COPE: variants seen among roughly 807,000 people sequenced by gnomAD.
COPE encodes the protein coatomer subunit epsilon.
In COPE, 19 loss-of-function variants were observed where a neutral mutation model predicts 42.1. The observed-to-expected ratio is 0.45, with a 90% CI of 0.31 to 0.66. The LOEUF (loss-of-function observed/expected upper bound fraction) is 0.66, where lower values mean the gene tolerates loss of function less well. COPE is among the 30% of genes least tolerant of loss of function. COPE has a pLI of 0.05. For synonymous variants in COPE, 195 were observed against 181.3 expected (o/e 1.08, Z -0.60); for missense variants, 402 against 416.1 (o/e 0.97, Z 0.30).
At chr19:18,910,842 G>A in intron 3 of COPE, 129 bp downstream of exon 3, 1 of 746,066 alleles carries the variant, frequency 1.3e-6, no homozygotes, top group Non-Finnish European at 2.3e-6. Flanking sequence ...CAGGGGAGCA[G>A]AGGGGAGAGG....
rs2056687930 is a variant in COPE, at chr19:18,900,448, T to C, written c.737A>G (p.Asp246Gly). ...EGLLQEALDK[D>G]SGYPETLVNL... Reference sequence around the variant, plus strand: ...GACCAGCGTCTCTGGGTAGCCACTATCCTGGAGACACAGGCAGACACGGGG... The same window carrying C: ...GACCAGCGTCTCTGGGTAGCCACTACCCTGGAGACACAGGCAGACACGGGG... The change falls in exon 8 of 10, where the codon GAT becomes GGT. Residue 246 changes from aspartate (D) to glycine (G), a missense_variant and splice_region_variant. Asp to Gly is a moderately conservative substitution (Grantham distance 94). Transcript: ENST00000262812. The C allele has an allele frequency of 6.5e-7, 1 of 1,547,218 alleles. No individual in the cohort carries two copies. The highest frequency in any genetic ancestry group is 1.4e-5 in the African/African-American group (1 of 72,840).
At chr19:18,903,826 G>T (rs866062616) in intron 6 of COPE, among the ~76,000 whole-genome samples, 20 of 152,196 alleles carry the variant, frequency 1.3e-4, no homozygotes, top group African/African-American at 4.3e-4. Context: ...AACACTTGCA[G>T]GGGGAGCCTG....
intron 7 of COPE, 45 bp downstream of exon 7, chr19:18,903,223 C>G: frequency 1.3e-6 from 2 of 1,513,154 alleles, no homozygotes; most frequent in Non-Finnish European, 1.8e-6. Flanking sequence ...CCTCTGGCCG[C>G]CTGGCCTTCC....
chr19:18,910,457 C>T (rs2145072324), intron 3 of COPE: 1 of 157,072 alleles, frequency 6.4e-6, no homozygotes. Context: ...TGGTGGCACG[C>T]AGCTATAGTC....
Position 18,912,976 on chromosome 19 carries a change from G to T in COPE, c.189+8C>A. On this transcript the variant is annotated splice_region_variant and intron_variant, in intron 2 of 9. Coordinates refer to ENST00000262812, the MANE Select transcript of COPE (RefSeq NM_007263.4). ...TCACTCTTGCCCCCGGCCAAGGCCC[G>T]CACTCACCTGCGCCAGGTACGCTCT... 1.2e-6 allele frequency: 2 copies of T among 1,611,176 alleles called. No homozygotes were observed.
chr19:18,912,844 T>C (rs991385005), intron 2 of COPE, 140 bp downstream of exon 2: 3 of 751,492 alleles, frequency 4.0e-6, no homozygotes, highest in African/African-American at 3.4e-5. Flanking sequence ...GCGCTGGCTG[T>C]TCACAGTCAC....
Position 18,913,026 on chromosome 19 carries a change from G to A in COPE, c.147C>T (p.Asp49=), listed in dbSNP as rs755241399. The A allele has an allele frequency of 4.7e-5, 75 of 1,611,426 alleles. No individual in the cohort carries two copies. The highest frequency in any genetic ancestry group is 6.0e-5 in the Non-Finnish European group (71 of 1,179,812). Residue 49 remains aspartate, a synonymous_variant, in exon 2 of 10, where the codon GAC becomes GAT. Coordinates refer to ENST00000262812, the MANE Select transcript of COPE (RefSeq NM_007263.4). ...TATACAGGAAGACGTCCCTCTCCAC[G>A]TCTCTCTCTGGGCTTGATAGCTGTG... ...QRVKLSSPER[D]VERDVFLYRA...
chr19:18,900,080 C>G, intron 8 of COPE, 133 bp from the exon 9 acceptor site: 1 of 714,194 alleles, frequency 1.4e-6, no homozygotes, highest in Non-Finnish European at 2.3e-6. Context: ...TGGGACTGGG[C>G]TGATCTCGGA....
At chr19:18,910,764 C>T (rs1361494238) in intron 3 of COPE, 3 of 599,494 alleles carry the variant, frequency 5.0e-6, no homozygotes, top group Non-Finnish European at 9.0e-6. Context: ...TGACCCTCCC[C>T]TTTGAAGCAG....
In COPE at chr19:18,899,938, G is replaced by C. The variant is rs1430630918; in HGVS notation, c.814C>G (p.Arg272Gly). The change falls in exon 9 of 10, where the codon CGA (arginine) becomes GGA (glycine). Residue 272 changes from arginine to glycine, a missense_variant. Transcript: ENST00000262812. ...HLGKPPEVTN[R>G]YLSQLKDAHR... ...GCATCCTTCAGCTGGGACAGGTATC[G>C]GTTTGTCACCTGCAGGGGAGGCAGG... 1 of 1,613,124 alleles carries C rather than the reference G, an allele frequency of 6.2e-7. No individual in the cohort carries two copies. Among genetic ancestry groups the C allele is most frequent in the Admixed American group, 1.7e-5 (1 of 59,930 alleles).
At chr19:18,917,288 A>G (rs2056863166) in intron 1 of COPE, among the ~76,000 whole-genome samples, 1 of 141,218 alleles carries the variant, frequency 7.1e-6, no homozygotes, top group African/African-American at 2.7e-5. Context: ...TTGACATAGT[A>G]AGAGCACCAA....
In COPE at chr19:18,903,440, G is replaced by A. The variant is rs762526419; in HGVS notation, c.580-17C>T. 7.5e-6 allele frequency: 12 copies of A among 1,591,424 alleles called. No homozygotes were observed. Among genetic ancestry groups the A allele is most frequent in the Admixed American group, 5.2e-5 (3 of 57,940 alleles). Reference sequence around the variant, plus strand: ...CTCACCACCCTGCAGGGAGGGTCCCGCATCATTGCCTGTGCCCCTGCTGCC... The same window carrying A: ...CTCACCACCCTGCAGGGAGGGTCCCACATCATTGCCTGTGCCCCTGCTGCC... On this transcript the variant is annotated splice_polypyrimidine_tract_variant and intron_variant, in intron 6 of 9. Transcript: ENST00000262812.
At chr19:18,899,995 G>T in intron 8 of COPE, 48 bp from the exon 9 acceptor site, 1 of 1,556,858 alleles carries the variant, frequency 6.4e-7, no homozygotes. Flanking sequence ...GGGACCCCAC[G>T]GTGGCTCTGA....
chr19:18,913,296 T>C (rs1367736734), intron 1 of COPE, among the ~76,000 whole-genome samples: 1 of 152,226 alleles, frequency 6.6e-6, no homozygotes, highest in African/African-American at 2.4e-5. Context: ...AAGTTCAGTG[T>C]CTGCCCCAGT....
At chr19:18,899,978 G>C (rs371825289) in intron 8 of COPE, 31 bp from the exon 9 acceptor site, 1 of 1,596,244 alleles carries the variant, frequency 6.3e-7, no homozygotes, top group Non-Finnish European at 8.5e-7. Flanking sequence ...CAGGTGAGCC[G>C]AACACGGGGA....
intron 1 of COPE, among the ~76,000 whole-genome samples, chr19:18,917,954 G>T (rs1462638507): frequency 6.6e-6 from 1 of 151,816 alleles, no homozygotes; most frequent in East Asian, 1.9e-4. Context: ...ACTTTGGTAG[G>T]CCAAGGCGGG....
rs777612610 is a variant in COPE, at chr19:18,919,304, C to G, written c.45G>C (p.Glu15Asp). Residue 15 changes from glutamate to aspartate, a missense_variant, in exon 1 of 10, where the codon GAG becomes GAC. Transcript: ENST00000262812. ...TCTTTACGTCGAACAGCTCGTCTAC[C>G]TCCCCGGAGCCGCCGGAGGCCGGGC... ...APGPASGGSGEVDELFDVKNA... is the reference protein window; with the variant it reads ...APGPASGGSGDVDELFDVKNA... 1.2e-6 allele frequency: 2 copies of G among 1,613,810 alleles called. No homozygotes were observed. The highest frequency in any genetic ancestry group is 1.7e-6 in the Non-Finnish European group (2 of 1,180,000).
chr19:18,908,810 C>T (rs2056784282), intron 3 of COPE, among the ~76,000 whole-genome samples: 1 of 151,896 alleles, frequency 6.6e-6, no homozygotes, highest in African/African-American at 2.4e-5. Context: ...AGCCACTGCG[C>T]CCGGCCAGGC....
chr19:18,912,085 G>C (rs1195750837), intron 2 of COPE, among the ~76,000 whole-genome samples: 1 of 152,120 alleles, frequency 6.6e-6, no homozygotes, highest in African/African-American at 2.4e-5. Context: ...GACCTCAGGT[G>C]ATCTGCCCGC....
Sources: allele counts gnomAD v4.1 joint callset (sites outside exome capture counted in the v4.1 genomes callset), GRCh38; gene constraint gnomAD v4.1.1; transcripts MANE v1.5; gene names NCBI Gene and HGNC (gene_info 2026-07-23, HGNC 2026-07-21).